RASGEF1B: variants seen among roughly 807,000 people sequenced by gnomAD.
The protein encoded by RASGEF1B is ras-GEF domain-containing family member 1B.
A neutral mutation model predicts 65.7 loss-of-function variants in RASGEF1B; 30 were observed. The ratio of observed to expected loss-of-function variants is 0.46; its 90% CI spans 0.34 to 0.62. The LOEUF (loss-of-function observed/expected upper bound fraction) is 0.62. Ranked by LOEUF, RASGEF1B falls within the 20% of genes least tolerant of loss-of-function variation. RASGEF1B has a pLI of 0.01. For missense variants in RASGEF1B, 495 were observed against 580.1 expected (o/e 0.85, Z 1.51); for synonymous variants, 175 against 194.8 (o/e 0.90, Z 0.85).
chr4:81,434,464 G>A (rs981516252), intron 11 of RASGEF1B, among the ~76,000 whole-genome samples, 175 bp downstream of exon 11: 1 of 152,104 alleles, frequency 6.6e-6, no homozygotes, highest in Non-Finnish European at 1.5e-5. Context: ...CATCATAATG[G>A]CTCAGCTATT....
chr4:81,452,458 T>C (rs1722294828), intron 4 of RASGEF1B: 4 of 152,202 alleles, frequency 2.6e-5, no homozygotes. Flanking sequence ...CAGAGGAATG[T>C]ATAATCAGGT....
chr4:81,466,819 AAAG>A, intron 1 of RASGEF1B, among the ~76,000 whole-genome samples: 1 of 150,118 alleles, frequency 6.7e-6, no homozygotes, highest in Non-Finnish European at 1.5e-5. Context: ...AGAAAGAAAG[AAAG>A]AAAATTTCCA....
At chr4:81,466,872 T>TA (rs1398178640) in intron 1 of RASGEF1B, among the ~76,000 whole-genome samples, 1 of 142,604 alleles carries the variant, frequency 7.0e-6, no homozygotes, top group African/African-American at 2.7e-5. Context: ...GAAGACGTCC[T>TA]AAATCAGAGA....
rs142543494 is a variant in RASGEF1B, at chr4:81,433,024, GCAA to G, written c.1325-656_1325-654del. Among the ~76,000 whole-genome samples, 221 of 149,420 alleles carry G rather than the reference GCAA, an allele frequency of 1.5e-3. 1 individual carries two copies. Among genetic ancestry groups the G allele is most frequent in the African/African-American group, 5.2e-3 (210 of 40,532 alleles). ...ACCCAATAGTTGGAGACCAGCCTGG[GCAA>G]CACAGAAAAACCCTGTCTCTACAAG... On this transcript the variant is annotated intron_variant, in intron 12 of 13. Transcript: ENST00000264400.
chr4:81,453,989 T>G (rs888552731), intron 4 of RASGEF1B: 1 of 152,214 alleles, frequency 6.6e-6, no homozygotes, highest in Non-Finnish European at 1.5e-5. Context: ...GCAGGTGACA[T>G]CTCTCCACTC....
In RASGEF1B at chr4:81,440,008, G is replaced by A. The variant is rs1409217136; in HGVS notation, c.1104+826C>T. 2.6e-5 allele frequency among the ~76,000 whole-genome samples: 4 copies of A among 152,136 alleles called. 1 individual carries two copies. The South Asian group carries it at 6.2e-4, about 24-fold the overall frequency. On this transcript the variant is annotated intron_variant, in intron 10 of 13. Transcript: ENST00000264400. ...AGGCCGAACCTTTTTCAGGGGACGT[G>A]ATTGGGAAGCCATGAAATGTTTTTT...
intron 13 of RASGEF1B, 28 bp from the exon 14 acceptor site, chr4:81,427,820 G>A (rs1396550094): frequency 6.2e-7 from 1 of 1,610,480 alleles, no homozygotes; most frequent in East Asian, 2.2e-5. Flanking sequence ...CACAACCTAA[G>A]ACAGAATGTA....
In RASGEF1B at chr4:81,429,625, C is replaced by T. The variant is rs138958779; in HGVS notation, c.1398-1833G>A. On this transcript the variant is annotated intron_variant, in intron 13 of 13. Transcript: ENST00000264400. ...AAACCCGAGACCGCCGGCAGACAGACACACAAGTAGCTGGACGTGGTGAGG... is the reference window on the plus strand; with the variant it reads ...AAACCCGAGACCGCCGGCAGACAGATACACAAGTAGCTGGACGTGGTGAGG... Among the ~76,000 whole-genome samples, 337 of 152,324 alleles carry T rather than the reference C, an allele frequency of 2.2e-3. 1 individual carries two copies. Among genetic ancestry groups the T allele is most frequent in the Middle Eastern group, 0.01 (3 of 294 alleles).
At chr4:81,460,344 G>T (rs1722600474) in intron 1 of RASGEF1B, among the ~76,000 whole-genome samples, 1 of 152,126 alleles carries the variant, frequency 6.6e-6, no homozygotes, top group Non-Finnish European at 1.5e-5. Context: ...AATTCCTAGG[G>T]ACGGCACCCG....
intron 8 of RASGEF1B, among the ~76,000 whole-genome samples, chr4:81,444,491 A>ACGG (rs1721950968): frequency 6.6e-6 from 1 of 152,062 alleles, no homozygotes; most frequent in Admixed American, 6.6e-5. Flanking sequence ...AATTTGGTAG[A>ACGG]CTCTCTAGCT....
intron 10 of RASGEF1B, among the ~76,000 whole-genome samples, chr4:81,440,480 G>A (rs1374021608): frequency 6.6e-6 from 1 of 152,132 alleles, no homozygotes; most frequent in Non-Finnish European, 1.5e-5. Flanking sequence ...TATTAAGTCG[G>A]CTACCTTGTG....
chr4:81,435,516 T>TGC (rs1721593208), intron 10 of RASGEF1B, among the ~76,000 whole-genome samples: 1 of 119,984 alleles, frequency 8.3e-6, no homozygotes, highest in Admixed American at 8.9e-5. Context: ...TCACCCAGGC[T>TGC]GGAGTGCAGT....
intron 4 of RASGEF1B, chr4:81,452,866 A>C (rs1205702250): frequency 6.6e-6 from 1 of 152,200 alleles, no homozygotes; most frequent in East Asian, 1.9e-4. Flanking sequence ...GCAAGTCCTA[A>C]TAAACCACTT....
intron 4 of RASGEF1B, chr4:81,455,554 GC>G (rs2109988803): frequency 6.6e-6 from 1 of 152,304 alleles, no homozygotes; most frequent in Non-Finnish European, 1.5e-5. Context: ...CAACATCATT[GC>G]CAAATGCTTC....
At chr4:81,463,108 T>C (rs1722702651) in intron 1 of RASGEF1B, among the ~76,000 whole-genome samples, 1 of 152,210 alleles carries the variant, frequency 6.6e-6, no homozygotes, top group Non-Finnish European at 1.5e-5. Flanking sequence ...ACAAAAATCC[T>C]GTCAGTCTGT....
At chr4:81,441,216 A>C (rs1283572605) in intron 9 of RASGEF1B, among the ~76,000 whole-genome samples, 1 of 152,186 alleles carries the variant, frequency 6.6e-6, no homozygotes, top group Non-Finnish European at 1.5e-5. Context: ...AATAAGAGTC[A>C]AACACCAGCA....
At chr4:81,453,122 A>G (rs1384811541) in intron 4 of RASGEF1B, 2 of 152,134 alleles carry the variant, frequency 1.3e-5, no homozygotes, top group African/African-American at 2.4e-5. Flanking sequence ...TCATTCATTC[A>G]TTGATTGACT....
At chr4:81,433,597 T>C (rs979393689) in intron 12 of RASGEF1B, among the ~76,000 whole-genome samples, 1 of 152,146 alleles carries the variant, frequency 6.6e-6, no homozygotes, top group African/African-American at 2.4e-5. Flanking sequence ...TTTGTGCCCA[T>C]AGCTGTGCAA....
chr4:81,429,606 G>A (rs1247970376), intron 13 of RASGEF1B, among the ~76,000 whole-genome samples: 1 of 152,160 alleles, frequency 6.6e-6, no homozygotes, highest in Non-Finnish European at 1.5e-5. Context: ...ATAAAAACCC[G>A]AGACCGCCGG....
Sources: gnomAD v4.1 joint callset for allele counts (sites outside exome capture counted in the v4.1 genomes callset) on GRCh38, gnomAD v4.1.1 for gene constraint, MANE v1.5 for transcripts, NCBI Gene and HGNC (gene_info 2026-07-23, HGNC 2026-07-21) for gene names.